Variants in ZFPM2 observed in about 807,000 individuals in gnomAD.
ZFPM2 encodes the protein zinc finger protein ZFPM2.
Under a neutral mutation model 98.6 loss-of-function variants are expected in ZFPM2, and 20 were observed. The observed-to-expected ratio is 0.20, with a 90% confidence interval of 0.14 to 0.29. The LOEUF (loss-of-function observed/expected upper bound fraction) is 0.29, where lower values mean the gene tolerates loss of function less well. Ranked by LOEUF, ZFPM2 falls within the 10% of genes least tolerant of loss-of-function variation. The pLI, the probability that ZFPM2 is intolerant of heterozygous loss-of-function variation, is 1.00. For missense variants in ZFPM2, 1,310 were observed against 1,388.6 expected, an observed-to-expected ratio of 0.94 and a Z score of 0.90; for synonymous variants, 518 against 502.7, an observed-to-expected ratio of 1.03 and a Z score of -0.41.
chr8:105,775,592 T>C (rs950205482), intron 5 of ZFPM2, among the ~76,000 whole-genome samples: 1 of 152,150 alleles, frequency 6.6e-6, no homozygotes, highest in African/African-American at 2.4e-5. Context: ...GATAAATGCT[T>C]TTGTTTACAA....
intron 3 of ZFPM2, among the ~76,000 whole-genome samples, chr8:105,505,018 A>C (rs1447833205): frequency 6.6e-6 from 1 of 152,156 alleles, no homozygotes; most frequent in African/African-American, 2.4e-5. Context: ...TGTCAGTCTA[A>C]TTTGTATTAT....
chr8:105,337,809 T>G (rs1812356488), intron 1 of ZFPM2, among the ~76,000 whole-genome samples: 1 of 151,632 alleles, frequency 6.6e-6, no homozygotes, highest in African/African-American at 2.4e-5. Flanking sequence ...TCCTGACAGT[T>G]TTATAAGACT....
chr8:105,732,143 C>A (rs2131016096), intron 5 of ZFPM2, among the ~76,000 whole-genome samples: 1 of 151,656 alleles, frequency 6.6e-6, no homozygotes, highest in East Asian at 2.0e-4. Context: ...CAGCTGTCCC[C>A]CTATTTGAAA....
At chr8:105,487,567 G>T (rs1813254515) in intron 3 of ZFPM2, among the ~76,000 whole-genome samples, 1 of 152,126 alleles carries the variant, frequency 6.6e-6, no homozygotes, top group Non-Finnish European at 1.5e-5. Flanking sequence ...CTTTGACGTT[G>T]TTGTGCAAAT....
chr8:105,803,056 T>C lies in ZFPM2; in HGVS notation c.2974T>C (p.Tyr992His), dbSNP rs780036471. ...SPYYGIKPSD[Y>H]ISGSLVIHNT... The stretch of plus-strand genomic sequence containing the variant: ...ATATTATGGAATCAAGCCAAGTGAT[T>C]ATATTTCTGGTTCTCTTGTCATCCA... Residue 992 changes from tyrosine (Y) to histidine (H), a missense_variant, in exon 8 of 8, where the codon TAT becomes CAT. Coordinates refer to ENST00000407775, the MANE Select transcript of ZFPM2 (RefSeq NM_012082.4). 2 of 1,613,742 alleles carry C rather than the reference T, an allele frequency of 1.2e-6. No homozygotes were observed. The highest frequency in any genetic ancestry group is 3.3e-5 in the Admixed American group (2 of 59,972).
chr8:105,707,333 A>C (rs1237741935), intron 5 of ZFPM2, among the ~76,000 whole-genome samples: 1 of 152,168 alleles, frequency 6.6e-6, no homozygotes, highest in Non-Finnish European at 1.5e-5. Flanking sequence ...GCTCTATGTA[A>C]AGGTGACCAA....
intron 3 of ZFPM2, among the ~76,000 whole-genome samples, chr8:105,520,793 T>C (rs1232480680): frequency 6.6e-6 from 1 of 151,990 alleles, no homozygotes; most frequent in Non-Finnish European, 1.5e-5. Context: ...AGAGATATTT[T>C]GTTATATGAA....
intron 3 of ZFPM2, among the ~76,000 whole-genome samples, chr8:105,522,768 A>G (rs926058740): frequency 6.6e-6 from 1 of 151,968 alleles, no homozygotes; most frequent in African/African-American, 2.4e-5. Flanking sequence ...AAAAGAATAT[A>G]TATTTTTGTA....
chr8:105,729,381 C>A (rs2131011013), intron 5 of ZFPM2, among the ~76,000 whole-genome samples: 1 of 149,416 alleles, frequency 6.7e-6, no homozygotes, highest in African/African-American at 2.4e-5. Context: ...TGTTGTGTGT[C>A]TTTTTTTTTG....
At chr8:105,599,604 G>A (rs1160972943) in intron 4 of ZFPM2, among the ~76,000 whole-genome samples, 1 of 152,024 alleles carries the variant, frequency 6.6e-6, no homozygotes, top group African/African-American at 2.4e-5. Flanking sequence ...TGGGATTTGT[G>A]TGATTGGTTA....
At chr8:105,719,834 CAT>C (rs1811615275) in intron 5 of ZFPM2, among the ~76,000 whole-genome samples, 1 of 151,886 alleles carries the variant, frequency 6.6e-6, no homozygotes, top group African/African-American at 2.4e-5. Flanking sequence ...CAGGTTTCTC[CAT>C]ACCAGTGGTC....
At chr8:105,371,330 G>C (rs1810618294) in intron 1 of ZFPM2, among the ~76,000 whole-genome samples, 1 of 152,124 alleles carries the variant, frequency 6.6e-6, no homozygotes, top group Non-Finnish European at 1.5e-5. Flanking sequence ...ACTTGCTGAT[G>C]ATGGGCATCT....
At chr8:105,763,216 A>C (rs1812773807) in intron 5 of ZFPM2, among the ~76,000 whole-genome samples, 1 of 151,824 alleles carries the variant, frequency 6.6e-6, no homozygotes, top group Non-Finnish European at 1.5e-5. Context: ...GAAGCCCATA[A>C]CTATTTTCTA....
At chr8:105,741,662 T>C (rs1044028317) in intron 5 of ZFPM2, among the ~76,000 whole-genome samples, 2 of 152,028 alleles carry the variant, frequency 1.3e-5, no homozygotes, top group Admixed American at 6.6e-5. Flanking sequence ...GGAGGCATGG[T>C]TGAGAGAGAA....
chr8:105,575,983 A>G (rs1815457020), intron 4 of ZFPM2, among the ~76,000 whole-genome samples: 2 of 152,184 alleles, frequency 1.3e-5, no homozygotes, highest in African/African-American at 4.8e-5. Flanking sequence ...TTTACTCTGC[A>G]TTTAAAAAAT....
chr8:105,550,369 C>A (rs1291977706), intron 3 of ZFPM2, among the ~76,000 whole-genome samples: 1 of 152,110 alleles, frequency 6.6e-6, no homozygotes, highest in Non-Finnish European at 1.5e-5. Flanking sequence ...TAAGTTGTTA[C>A]ATTTTTTTGA....
intron 5 of ZFPM2, among the ~76,000 whole-genome samples, chr8:105,734,121 A>C (rs1812014311): frequency 6.6e-6 from 1 of 151,914 alleles, no homozygotes; most frequent in Non-Finnish European, 1.5e-5. Flanking sequence ...ATGTCATATG[A>C]CATTTTGGCT....
chr8:105,391,548 A>G (rs542447359), intron 1 of ZFPM2, among the ~76,000 whole-genome samples: 2 of 152,374 alleles, frequency 1.3e-5, no homozygotes, highest in Admixed American at 6.5e-5. Context: ...AATTAGAGTC[A>G]ATCCTCACAC....
intron 3 of ZFPM2, among the ~76,000 whole-genome samples, chr8:105,490,976 A>G (rs1813345459): frequency 6.6e-6 from 1 of 152,206 alleles, no homozygotes; most frequent in African/African-American, 2.4e-5. Context: ...TCATCTTTAT[A>G]TCAAAGATAT....
Sources: gnomAD v4.1 joint callset for allele counts (sites outside exome capture counted in the v4.1 genomes callset) on GRCh38, gnomAD v4.1.1 for gene constraint, MANE v1.5 for transcripts, NCBI Gene and HGNC (gene_info 2026-07-23, HGNC 2026-07-21) for gene names.